Variants in IL6ST observed in about 807,000 individuals in gnomAD.
IL6ST encodes the protein interleukin 6 cytokine family signal transducer.
Under a neutral mutation model 91.3 loss-of-function variants are expected in IL6ST, and 24 were observed. The observed-to-expected ratio is 0.26, with a 90% CI of 0.19 to 0.37. The LOEUF is 0.37. Among genes scored for constraint, IL6ST ranks in the 10% least tolerant of loss-of-function variants. The pLI is 1.00. For synonymous variants in IL6ST, 351 were observed against 373.6 expected, an observed-to-expected ratio of 0.94 and a Z score of 0.70; for missense variants, 914 against 1,078.5, an observed-to-expected ratio of 0.85 and a Z score of 2.14.
At chr5:55,978,589 G>A (rs1169571146) in intron 2 of IL6ST, among the ~76,000 whole-genome samples, 2 of 152,302 alleles carry the variant, frequency 1.3e-5, no homozygotes, top group Middle Eastern at 3.4e-3. Context: ...AGCCAGGCGT[G>A]GTGGCGGCCG....
At chr5:55,970,923 C>CA (rs934069360) in intron 3 of IL6ST, among the ~76,000 whole-genome samples, 2 of 151,788 alleles carry the variant, frequency 1.3e-5, no homozygotes, top group African/African-American at 4.8e-5. Context: ...CAAAACAAAA[C>CA]AAACAAAACA....
At chr5:55,981,621 T>C (rs1197267219) in intron 2 of IL6ST, among the ~76,000 whole-genome samples, 3 of 152,038 alleles carry the variant, frequency 2.0e-5, no homozygotes, top group Admixed American at 6.6e-5. Context: ...CCAGCCTGGG[T>C]GACAGAGCGA....
At position 55,947,480 on chromosome 5, in the gene IL6ST, TAA is replaced by T. The variant is rs1278860922; in HGVS notation, c.1937+11_1937+12del. 1.4e-6 allele frequency: 2 copies of T among 1,429,018 alleles called. No individual in the cohort carries two copies. The highest frequency in any genetic ancestry group is 1.9e-6 in the Non-Finnish European group (2 of 1,037,386). The allele number at this position is 1,429,018 out of a possible 1,614,324, so 88.5% of individuals were successfully genotyped here. On this transcript the variant is annotated intron_variant, in intron 15 of 16. Coordinates refer to ENST00000381298, the MANE Select transcript of IL6ST (RefSeq NM_002184.4). ...CTGGGGGAAAATGCAAAAATATGAA[TAA>T]AGTTACTTACAGGTCTCGCTTATTA...
chr5:55,961,584 C>A (rs1045778469), intron 7 of IL6ST, among the ~76,000 whole-genome samples: 1 of 151,968 alleles, frequency 6.6e-6, no homozygotes, highest in African/African-American at 2.4e-5. Flanking sequence ...ATGGTGAAAC[C>A]CCATCTCTAC....
chr5:55,987,188 C>A (rs1754023539), intron 1 of IL6ST, among the ~76,000 whole-genome samples: 1 of 152,126 alleles, frequency 6.6e-6, no homozygotes, highest in Admixed American at 6.6e-5. Flanking sequence ...GTTACCATTT[C>A]TAGAGCTTTT....
At chr5:55,981,796 T>C (rs16884696) in intron 2 of IL6ST, among the ~76,000 whole-genome samples, 5,088 of 152,310 alleles carry the variant, frequency 0.033, 287 homozygotes, top group African/African-American at 0.12. Context: ...ATTATAACCA[T>C]ACATTGCATA....
chr5:55,984,945 G>C (rs1753870608), intron 1 of IL6ST, among the ~76,000 whole-genome samples: 1 of 152,200 alleles, frequency 6.6e-6, no homozygotes, highest in African/African-American at 2.4e-5. Flanking sequence ...GGAATGGCTA[G>C]GCCCTACGGC....
rs1752858453 is a variant in IL6ST, at chr5:55,969,831, T to C, written c.89A>G (p.Tyr30Cys). The C allele has an allele frequency of 1.2e-6, 2 of 1,603,924 alleles. No individual in the cohort carries two copies. Among genetic ancestry groups the C allele is most frequent in the Non-Finnish European group, 1.7e-6 (2 of 1,171,848 alleles). ...STGELLDPCG[Y>C]ISPESPVVQL... The stretch of plus-strand genomic sequence containing the variant: ...TACAACTGGAGATTCAGGACTGATA[T>C]AACCACATGGATCTAGAAGTTCACC... The change falls in exon 4 of 17, where the codon TAT becomes TGT. Residue 30 changes from tyrosine (Y) to cysteine (C), a missense_variant. Transcript: ENST00000381298.
Position 55,956,023 on chromosome 5 carries a change from A to C in IL6ST, c.1267+2T>G. 1 of 1,607,814 alleles carries C rather than the reference A, an allele frequency of 6.2e-7. No homozygotes were observed. Among genetic ancestry groups the C allele is most frequent in the Non-Finnish European group, 8.5e-7 (1 of 1,174,308 alleles). On this transcript the variant is annotated splice_donor_variant, in intron 10 of 16. Transcript: ENST00000381298. LOFTEE classifies it high-confidence loss of function. ...GTCAGGCTCCATCTCACAGATACAA[A>C]CCTTGAAAGTCACAGGCAGGGATAG...
At chr5:55,990,407 A>C (rs1275140271) in intron 1 of IL6ST, among the ~76,000 whole-genome samples, 1 of 152,222 alleles carries the variant, frequency 6.6e-6, no homozygotes, top group Non-Finnish European at 1.5e-5. Context: ...GTTTCTATGT[A>C]ACCAGATAAT....
In IL6ST at chr5:55,956,230, C is replaced by A. The variant is rs1561171101; in HGVS notation, c.1062G>T (p.Leu354Phe). The change falls in exon 10 of 17, where the codon TTG (leucine) becomes TTT (phenylalanine). Residue 354 changes from leucine to phenylalanine, a missense_variant. By Grantham distance (22) the Leu-to-Phe change is conservative (BLOSUM62 0). Transcript: ENST00000381298. ...YRTVQLVWKT[L>F]PPFEANGKIL... The stretch of plus-strand genomic sequence containing the variant: ...TTTTTCCATTGGCTTCAAAAGGAGG[C>A]AATGTCTGTAATAAAATAGTTTATT... The A allele has an allele frequency of 6.4e-7, 1 of 1,560,554 alleles. No homozygotes were observed. Among genetic ancestry groups the A allele is most frequent in the Non-Finnish European group, 8.8e-7 (1 of 1,132,366 alleles).
At chr5:55,982,307 A>T (rs1753716604) in intron 2 of IL6ST, among the ~76,000 whole-genome samples, 3 of 152,208 alleles carry the variant, frequency 2.0e-5, no homozygotes, top group Admixed American at 2.0e-4. Context: ...CTATGGTAAC[A>T]TTACTATTAC....
At chr5:55,989,128 C>A in intron 1 of IL6ST, among the ~76,000 whole-genome samples, 1 of 126,832 alleles carries the variant, frequency 7.9e-6, no homozygotes. Context: ...GTGCGAGGCT[C>A]TGTCTCAAAA....
rs147258637 is a variant in IL6ST at position 55,965,362 on chromosome 5, G to A, written c.492-1050C>T. The stretch of plus-strand genomic sequence containing the variant: ...ATAAGAAAGAAGATGTAGACGTCAG[G>A]TAAATATAATTATGTAAAAACCTAT... On this transcript the variant is annotated intron_variant, in intron 5 of 16. Transcript: ENST00000381298. Among the ~76,000 whole-genome samples, 35 of 152,202 alleles carry A rather than the reference G, an allele frequency of 2.3e-4. No individual in the cohort carries two copies. The East Asian group carries it at 6.4e-3, about 28-fold the overall frequency.
At chr5:55,982,644 C>T (rs562314418) in intron 2 of IL6ST, 80 bp downstream of exon 2, 16 of 396,270 alleles carry the variant, frequency 4.0e-5, no homozygotes, top group African/African-American at 3.3e-4. Context: ...CCTAAAGAAT[C>T]AGGTGAGTAG....
Position 55,936,787 on chromosome 5 carries a change from A to T in IL6ST, c.*4295T>A, listed in dbSNP as rs1750558971. 1 of 192,776 alleles carries T rather than the reference A, an allele frequency of 5.2e-6. No individual in the cohort carries two copies. The highest frequency in any genetic ancestry group is 2.3e-5 in the African/African-American group (1 of 43,154). The allele number at this position is 192,776 out of a possible 1,614,324, so 11.9% of individuals were successfully genotyped here. A position where few individuals can be genotyped will look rare whatever the true frequency, so the allele number is the denominator to read the frequency against. ...AATTAGCACATGCAATTCACTGCAAAGGTAAAAATACATGCTATACTCTAG... is the reference window on the plus strand; with the variant it reads ...AATTAGCACATGCAATTCACTGCAATGGTAAAAATACATGCTATACTCTAG... On this transcript the variant is annotated 3_prime_UTR_variant, in exon 17 of 17. Transcript: ENST00000381298.
chr5:55,955,947 G>A (rs1333398344), intron 10 of IL6ST, 78 bp downstream of exon 10: 9 of 880,134 alleles, frequency 1.0e-5, no homozygotes, highest in Non-Finnish European at 1.7e-5. Flanking sequence ...GATAACTTGT[G>A]TTTTTTATGG....
At chr5:55,973,992 T>C (rs913371615) in intron 3 of IL6ST, among the ~76,000 whole-genome samples, 2 of 152,154 alleles carry the variant, frequency 1.3e-5, no homozygotes, top group Non-Finnish European at 2.9e-5. Flanking sequence ...ATTTAGGTAA[T>C]AAGAAATATA....
intron 6 of IL6ST, among the ~76,000 whole-genome samples, 165 bp downstream of exon 6, chr5:55,963,981 T>A (rs905734216): frequency 2.0e-5 from 3 of 152,134 alleles, no homozygotes; most frequent in African/African-American, 7.2e-5. Context: ...AATTAAAATC[T>A]AAAATCTACA....
Sources: allele counts gnomAD v4.1 joint callset (sites outside exome capture counted in the v4.1 genomes callset), GRCh38; gene constraint gnomAD v4.1.1; transcripts MANE v1.5; gene names NCBI Gene and HGNC (gene_info 2026-07-23, HGNC 2026-07-21).